Variants in CSRNP3 observed in about 807,000 individuals in gnomAD.
CSRNP3 encodes cysteine/serine-rich nuclear protein 3.
Under a neutral mutation model 48.0 loss-of-function variants are expected in CSRNP3, and 12 were observed. The ratio of observed to expected loss-of-function variants is 0.25; its 90% confidence interval spans 0.16 to 0.41. The LOEUF (loss-of-function observed/expected upper bound fraction) is 0.41. CSRNP3 is among the 10% of genes least tolerant of loss of function. The probability of loss-of-function intolerance (pLI) is 1.00; values close to 1 mark genes in which losing one functional copy is unlikely to be tolerated. For synonymous variants in CSRNP3, 263 were observed against 269.7 expected, an observed-to-expected ratio of 0.98 and a Z score of 0.24; for missense variants, 580 against 724.4, an observed-to-expected ratio of 0.80 and a Z score of 2.29.
At chr2:165,477,504 A>ATAAAAAT (rs1683979609) in intron 1 of CSRNP3, among the ~76,000 whole-genome samples, 1 of 132,196 alleles carries the variant, frequency 7.6e-6, no homozygotes, top group Non-Finnish European at 1.6e-5. Flanking sequence ...ATATAATACA[A>ATAAAAAT]ATATATATAT....
chr2:165,532,532 A>G (rs1684827485), intron 3 of CSRNP3, among the ~76,000 whole-genome samples: 1 of 152,170 alleles, frequency 6.6e-6, no homozygotes, highest in African/African-American at 2.4e-5. Context: ...AAAACTTTCA[A>G]TAAATTAGGT....
chr2:165,534,664 T>C (rs2105246778), intron 3 of CSRNP3, among the ~76,000 whole-genome samples: 1 of 151,766 alleles, frequency 6.6e-6, no homozygotes, highest in East Asian at 1.9e-4. Flanking sequence ...TATATAGCTC[T>C]TTAATAAAAA....
In CSRNP3 at chr2:165,501,632, A is replaced by G. The variant is rs188960740; in HGVS notation, c.-113+6704A>G. On this transcript the variant is annotated intron_variant, in intron 2 of 6. Transcript: ENST00000651982. ...TGCTTTAAACAAATTATCTCATTTAATTCTCCTTACTTTAGTTGCTAAATA... is the reference window on the plus strand; with the variant it reads ...TGCTTTAAACAAATTATCTCATTTAGTTCTCCTTACTTTAGTTGCTAAATA... 2.0e-5 allele frequency among the ~76,000 whole-genome samples: 3 copies of G among 152,218 alleles called. No homozygotes were observed. In the East Asian group the frequency reaches 5.8e-4, roughly 29 times the overall value.
Position 165,657,825 on chromosome 2 carries a change from C to T in CSRNP3, c.213C>T (p.Thr71=), listed in dbSNP as rs752699378. 1.4e-5 allele frequency: 23 copies of T among 1,613,852 alleles called. No homozygotes were observed. The highest frequency in any genetic ancestry group is 3.3e-5 in the South Asian group (3 of 91,070). ...RTKNVHFSCV[T]VYYFTRRQGF... ...AGAATGTACATTTTAGTTGTGTCAC[C>T]GTGTACTACTTCACCAGGAGGCAAG... The change falls in exon 5 of 7, where the codon ACC becomes ACT. Residue 71 remains threonine, a synonymous_variant. Coordinates refer to ENST00000651982, the MANE Select transcript of CSRNP3 (RefSeq NM_001172173.2).
intron 5 of CSRNP3, among the ~76,000 whole-genome samples, chr2:165,659,946 T>G (rs947746112): frequency 2.6e-5 from 4 of 152,206 alleles, no homozygotes; most frequent in Non-Finnish European, 5.9e-5. Context: ...CAAGCTAGCT[T>G]AGAGCATGTC....
rs1319894541 is a variant in CSRNP3 at position 165,682,258 on chromosome 2, A to T, written c.*2505A>T. On this transcript the variant is annotated 3_prime_UTR_variant, in exon 7 of 7. Transcript: ENST00000651982. ...TTTCCAAAAGGATGCTTAAGAAAAC[A>T]GAGTTTTTTTCCCCTATCCATTTAT... 6.6e-6 allele frequency: 1 copy of T among 152,120 alleles called. No homozygotes were observed. The highest frequency in any genetic ancestry group is 1.5e-5 in the Non-Finnish European group (1 of 68,014). The allele number at this position is 152,120 out of a possible 1,614,324, so 9.4% of individuals were successfully genotyped here.
At chr2:165,563,536 C>G (rs1685261227) in intron 3 of CSRNP3, among the ~76,000 whole-genome samples, 1 of 152,140 alleles carries the variant, frequency 6.6e-6, no homozygotes, top group Admixed American at 6.5e-5. Context: ...ATTCATTGCT[C>G]AATTAAACTC....
intron 4 of CSRNP3, among the ~76,000 whole-genome samples, chr2:165,651,890 A>T (rs1686917542): frequency 6.6e-6 from 1 of 152,100 alleles, no homozygotes; most frequent in Non-Finnish European, 1.5e-5. Context: ...TCCCAACCTC[A>T]GGTGATCCGC....
intron 2 of CSRNP3, among the ~76,000 whole-genome samples, chr2:165,514,244 A>G (rs577547086): frequency 2.6e-5 from 4 of 152,346 alleles, no homozygotes; most frequent in African/African-American, 9.6e-5. Flanking sequence ...GCTAAGCCCA[A>G]CCATAGGGCG....
At chr2:165,677,685 T>C (rs1248462864) in intron 6 of CSRNP3, among the ~76,000 whole-genome samples, 2 of 152,190 alleles carry the variant, frequency 1.3e-5, no homozygotes, top group East Asian at 3.8e-4. Flanking sequence ...CCTTCTCTTC[T>C]TTAGCATAGG....
At chr2:165,536,715 A>G (rs1474878315) in intron 3 of CSRNP3, among the ~76,000 whole-genome samples, 1 of 151,918 alleles carries the variant, frequency 6.6e-6, no homozygotes, top group African/African-American at 2.4e-5. Flanking sequence ...ATGGAGAGAT[A>G]CTTCTGGCAG....
intron 5 of CSRNP3, among the ~76,000 whole-genome samples, chr2:165,673,614 C>T (rs1306169334): frequency 6.6e-6 from 1 of 152,022 alleles, no homozygotes; most frequent in Non-Finnish European, 1.5e-5. Context: ...ATTGGTTATT[C>T]ATGTTGCCCT....
intron 3 of CSRNP3, among the ~76,000 whole-genome samples, chr2:165,527,303 T>C (rs1201819360): frequency 2.7e-5 from 4 of 149,024 alleles, no homozygotes; most frequent in African/African-American, 5.0e-5. Context: ...GCCTCCCAGG[T>C]TCACAGTATT....
intron 3 of CSRNP3, among the ~76,000 whole-genome samples, chr2:165,589,733 A>C (rs1685687170): frequency 6.6e-6 from 1 of 152,216 alleles, no homozygotes. Flanking sequence ...TTATCTCTTC[A>C]AAAATTTTCC....
chr2:165,645,417 C>G (rs1277151562), intron 4 of CSRNP3, among the ~76,000 whole-genome samples: 1 of 152,160 alleles, frequency 6.6e-6, no homozygotes, highest in Non-Finnish European at 1.5e-5. Flanking sequence ...AACAACCTCC[C>G]AAATGCTCCA....
intron 1 of CSRNP3, among the ~76,000 whole-genome samples, chr2:165,487,491 T>A (rs1440501750): frequency 6.9e-6 from 1 of 143,928 alleles, no homozygotes; most frequent in Non-Finnish European, 1.5e-5. Context: ...GACACATAAT[T>A]GTCAGATTCA....
At chr2:165,582,764 C>T (rs1433775924) in intron 3 of CSRNP3, among the ~76,000 whole-genome samples, 1 of 152,182 alleles carries the variant, frequency 6.6e-6, no homozygotes, top group African/African-American at 2.4e-5. Flanking sequence ...GCATGCATTT[C>T]TGCTATGTGC....
chr2:165,489,012 GT>G (rs2105455160), intron 1 of CSRNP3, among the ~76,000 whole-genome samples: 1 of 136,602 alleles, frequency 7.3e-6, no homozygotes, highest in South Asian at 2.6e-4. Context: ...CCAGGAGCTG[GT>G]TTTTTGAAAG....
In CSRNP3 at chr2:165,688,957, T is replaced by C. The variant is rs1174945800; in HGVS notation, c.*9204T>C. ...TATTAGTTATGTTCAATCTAATGACTTAAAACAGTTGAAAAGGAGGAAAAT... is the reference window on the plus strand; with the variant it reads ...TATTAGTTATGTTCAATCTAATGACCTAAAACAGTTGAAAAGGAGGAAAAT... On this transcript the variant is annotated 3_prime_UTR_variant, in exon 7 of 7. Transcript: ENST00000651982. 1 of 152,122 alleles carries C rather than the reference T, an allele frequency of 6.6e-6. No homozygotes were observed. Among genetic ancestry groups the C allele is most frequent in the African/African-American group, 2.4e-5 (1 of 41,452 alleles). 9.4% of individuals were successfully genotyped at this position (152,122 alleles called of 1,614,324 possible).
Sources: allele counts gnomAD v4.1 joint callset (sites outside exome capture counted in the v4.1 genomes callset), GRCh38; gene constraint gnomAD v4.1.1; transcripts MANE v1.5; gene names NCBI Gene and HGNC (gene_info 2026-07-23, HGNC 2026-07-21).